SATB2: variants seen among roughly 807,000 people sequenced by gnomAD.
The protein encoded by SATB2 is SATB homeobox 2.
Under a neutral mutation model 73.4 loss-of-function variants are expected in SATB2, and 1 was observed. The observed-to-expected ratio is 0.01, with a 90% CI of 0.00 to 0.06. The LOEUF is 0.06. Among genes scored for constraint, SATB2 ranks in the 10% least tolerant of loss-of-function variants. The pLI, the probability that SATB2 is intolerant of heterozygous loss-of-function variation, is 1.00. For synonymous variants in SATB2, 397 were observed against 367.0 expected, an observed-to-expected ratio of 1.08 and a Z score of -0.93; for missense variants, 459 against 945.8, an observed-to-expected ratio of 0.49 and a Z score of 6.75.
At chr2:199,359,862 G>T (rs1689087618) in intron 6 of SATB2, among the ~76,000 whole-genome samples, 1 of 152,170 alleles carries the variant, frequency 6.6e-6, no homozygotes, top group South Asian at 2.1e-4. Context: ...TTGTACTCTA[G>T]ATGATTATAG....
intron 10 of SATB2, among the ~76,000 whole-genome samples, chr2:199,283,825 G>A (rs1692605312): frequency 6.6e-6 from 1 of 152,036 alleles, no homozygotes; most frequent in African/African-American, 2.4e-5. Flanking sequence ...TCTTTTTAAT[G>A]TACTGTGTGA....
chr2:199,450,869 A>T (rs1008703017), intron 2 of SATB2, among the ~76,000 whole-genome samples: 1 of 152,198 alleles, frequency 6.6e-6, no homozygotes, highest in South Asian at 2.1e-4. Context: ...AAATGACTCA[A>T]ATTCATATTC....
At position 199,349,381 on chromosome 2, in the gene SATB2, A is replaced by G. The variant is rs79248084; in HGVS notation, c.701-208T>C. Among the ~76,000 whole-genome samples the G allele has an allele frequency of 7.0e-3, 1,060 of 152,300 alleles. 27 individuals are homozygous for G. Among genetic ancestry groups the G allele is most frequent in the Admixed American group, 0.043 (665 of 15,294 alleles). On this transcript the variant is annotated intron_variant, in intron 6 of 10. Coordinates refer to ENST00000417098, the MANE Select transcript of SATB2 (RefSeq NM_001172509.2). The stretch of plus-strand genomic sequence containing the variant: ...TTCATGGAACATATGAAAGAAAGTA[A>G]AATTATTTGCCACTTCAATTAGTTA...
At chr2:199,281,260 A>G (rs1399123438) in intron 10 of SATB2, among the ~76,000 whole-genome samples, 3 of 24,852 alleles carry the variant, frequency 1.2e-4, no homozygotes, top group African/African-American at 1.5e-4. Flanking sequence ...GTGTGTATGT[A>G]TGTATGTGTG....
At chr2:199,412,740 A>C (rs568022056) in intron 3 of SATB2, among the ~76,000 whole-genome samples, 1 of 152,266 alleles carries the variant, frequency 6.6e-6, no homozygotes, top group African/African-American at 2.4e-5. Context: ...AACAAAAAAC[A>C]AAAAACAAAC....
chr2:199,277,701 CAAT>C (rs1429196703), intron 10 of SATB2, among the ~76,000 whole-genome samples: 3 of 152,088 alleles, frequency 2.0e-5, no homozygotes, highest in Non-Finnish European at 2.9e-5. Context: ...GCTTTAATAA[CAAT>C]AATAATAGTA....
At chr2:199,442,738 T>C (rs1691854760) in intron 2 of SATB2, among the ~76,000 whole-genome samples, 1 of 151,952 alleles carries the variant, frequency 6.6e-6, no homozygotes, top group Middle Eastern at 3.4e-3. Context: ...CAGAGCCAGA[T>C]CCATCTCTAA....
intron 3 of SATB2, among the ~76,000 whole-genome samples, chr2:199,386,685 CACGTGCGCAA>C (rs1190984490): frequency 2.1e-5 from 2 of 95,720 alleles, no homozygotes; most frequent in Non-Finnish European, 3.7e-5. Context: ...ATATTTCATA[CACGTGCGCAA>C]GCGCGCGCGC....
chr2:199,272,626 G>C lies in SATB2; in HGVS notation c.1787C>G (p.Pro596Arg). 4 of 1,614,050 alleles carry C rather than the reference G, an allele frequency of 2.5e-6. No individual in the cohort carries two copies. Among genetic ancestry groups the C allele is most frequent in the Non-Finnish European group, 3.4e-6 (4 of 1,180,006 alleles). ...AGGTGGGGGAGGCGCTTCTTCTCTG[G>C]GAGGGGAACTCTCCTTGGCTGGCTG... ...QSQPAKESSP[P>R]REEAPPPPPP... is the part of the protein sequence containing the mutation. The change falls in exon 11 of 11, where the codon CCC becomes CGC. Residue 596 changes from proline to arginine, a missense_variant. This residue lies in a region of SATB2 where 74 missense variants were observed against 136.1 expected (regional missense o/e 0.54). Transcript: ENST00000417098. The surrounding 1 kb of genome is among the most constrained non-coding windows in gnomAD (Gnocchi z 6.7).
chr2:199,357,400 T>C (rs1399068531), intron 6 of SATB2, among the ~76,000 whole-genome samples: 1 of 152,204 alleles, frequency 6.6e-6, no homozygotes, highest in East Asian at 1.9e-4. Flanking sequence ...TAGAATTATT[T>C]ACATTAAAAT....
intron 8 of SATB2, 151 bp from the exon 9 acceptor site, chr2:199,324,109 T>C: frequency 1.2e-6 from 1 of 827,632 alleles, no homozygotes; most frequent in Non-Finnish European, 2.0e-6. Context: ...ATCAGGTTAA[T>C]TGTGATTGGA....
intron 3 of SATB2, among the ~76,000 whole-genome samples, chr2:199,416,591 G>C (rs563416791): frequency 6.6e-6 from 1 of 152,224 alleles, no homozygotes; most frequent in East Asian, 1.9e-4. Flanking sequence ...ACTAACAAAA[G>C]GGAGAGAAAC....
chr2:199,388,782 T>G (rs1315609738), intron 3 of SATB2, among the ~76,000 whole-genome samples: 1 of 152,046 alleles, frequency 6.6e-6, no homozygotes, highest in East Asian at 1.9e-4. Flanking sequence ...ACCCCAGCCT[T>G]AGAAGAACTA....
upstream of SATB2, among the ~76,000 whole-genome samples, chr2:199,465,342 G>A (rs117444613): frequency 1.3e-5 from 2 of 152,262 alleles, no homozygotes; most frequent in East Asian, 3.9e-4. Context: ...TATAAGGGAG[G>A]GTGGAATATC....
chr2:199,445,321 T>A, intron 2 of SATB2, among the ~76,000 whole-genome samples: 1 of 152,190 alleles, frequency 6.6e-6, no homozygotes, highest in East Asian at 1.9e-4. Flanking sequence ...TGGAATCCTA[T>A]ACATTTCCAC....
chr2:199,316,269 TTAAAA>T (rs958780734), intron 9 of SATB2, among the ~76,000 whole-genome samples: 22 of 152,052 alleles, frequency 1.4e-4, no homozygotes, highest in Non-Finnish European at 2.9e-4. Context: ...TAAGTGTCTA[TTAAAA>T]TAAATAAACC....
chr2:199,325,087 C>T (rs184287604), intron 8 of SATB2, among the ~76,000 whole-genome samples: 10 of 152,234 alleles, frequency 6.6e-5, no homozygotes, highest in African/African-American at 2.2e-4. Flanking sequence ...TAAGGCCCTA[C>T]GTTTCCATAA....
intron 2 of SATB2, among the ~76,000 whole-genome samples, chr2:199,445,385 A>G (rs970194310): frequency 6.6e-6 from 1 of 152,184 alleles, no homozygotes; most frequent in Non-Finnish European, 1.5e-5. Flanking sequence ...CAGTTCTGCC[A>G]TGGCAGCAAA....
intron 8 of SATB2, 61 bp downstream of exon 8, chr2:199,328,637 C>T (rs1173794834): frequency 1.4e-5 from 18 of 1,241,472 alleles, no homozygotes; most frequent in Admixed American, 5.0e-5. Flanking sequence ...AACACAGTAA[C>T]TAGTGAAGGC....
Sources: allele counts gnomAD v4.1 joint callset (sites outside exome capture counted in the v4.1 genomes callset), GRCh38; gene constraint gnomAD v4.1.1; regional missense constraint gnomAD v4.1.1; non-coding constraint Gnocchi (gnomAD v3.1); transcripts MANE v1.5; gene names NCBI Gene and HGNC (gene_info 2026-07-23, HGNC 2026-07-21).